HS3ST3B1: variants seen among roughly 807,000 people sequenced by gnomAD.
HS3ST3B1 encodes the protein heparan sulfate-glucosamine 3-sulfotransferase 3B1, also known as heparan sulfate glucosamine 3-O-sulfotransferase 3B1.
A neutral mutation model predicts 21.3 loss-of-function variants in HS3ST3B1; 13 were observed. The observed-to-expected ratio is 0.61, with a 90% CI of 0.40 to 0.97. The LOEUF is 0.97. Ranked by LOEUF, HS3ST3B1 falls within the 50% of genes least tolerant of loss-of-function variation. The probability of loss-of-function intolerance (pLI) is 0.00; values close to 1 mark genes in which losing one functional copy is unlikely to be tolerated. For missense variants in HS3ST3B1, 459 were observed against 554.8 expected, an observed-to-expected ratio of 0.83 and a Z score of 1.73; for synonymous variants, 234 against 254.8, an observed-to-expected ratio of 0.92 and a Z score of 0.78.
rs182424824 is a variant in HS3ST3B1, at chr17:14,313,719, C to T, written c.554+11647C>T. ...CCAAGTAGCTGTGATTACAGGCATG[C>T]GCCACCACACACGGCTAATTTTGTA... On this transcript the variant is annotated intron_variant, in intron 1 of 1. Coordinates refer to ENST00000360954, the MANE Select transcript of HS3ST3B1 (RefSeq NM_006041.3). Among the ~76,000 whole-genome samples, 540 of 151,860 alleles carry T rather than the reference C, an allele frequency of 3.6e-3. 2 individuals carry two copies. The highest frequency in any genetic ancestry group is 6.1e-3 in the Non-Finnish European group (418 of 67,968).
chr17:14,313,275 T>C (rs1909390166), intron 1 of HS3ST3B1, among the ~76,000 whole-genome samples: 1 of 151,568 alleles, frequency 6.6e-6, no homozygotes, highest in Non-Finnish European at 1.5e-5. Context: ...GCCAAAAATG[T>C]CTTATATAAA....
intron 1 of HS3ST3B1, chr17:14,304,120 C>G (rs1210350310): frequency 1.3e-5 from 2 of 152,216 alleles, no homozygotes; most frequent in Non-Finnish European, 2.9e-5. Context: ...TGCCGACTTG[C>G]GCCCGGGGGC....
rs151069253 is a variant in HS3ST3B1, at chr17:14,315,096, C to T, written c.554+13024C>T. ...GTTCCCTAACTGGCTTTTCTTTGAT[C>T]GGATTCCCCAGTTGGCAAATCTTAG... is the stretch of plus-strand genomic sequence containing the variant. On this transcript the variant is annotated intron_variant, in intron 1 of 1. Transcript: ENST00000360954. Among the ~76,000 whole-genome samples, 241 of 152,252 alleles carry T rather than the reference C, an allele frequency of 1.6e-3. 1 individual carries two copies. The highest frequency in any genetic ancestry group is 5.1e-3 in the African/African-American group (212 of 41,552).
intron 1 of HS3ST3B1, among the ~76,000 whole-genome samples, chr17:14,338,491 G>A (rs1224543225): frequency 6.6e-6 from 1 of 151,290 alleles, no homozygotes; most frequent in African/African-American, 2.4e-5. Flanking sequence ...TGCCCAGGCT[G>A]GAGTGCAATG....
At chr17:14,330,461 C>A (rs1012831104) in intron 1 of HS3ST3B1, among the ~76,000 whole-genome samples, 1 of 151,942 alleles carries the variant, frequency 6.6e-6, no homozygotes, top group Admixed American at 6.6e-5. Flanking sequence ...GAACTGGAAC[C>A]TAGAGTTTCA....
chr17:14,320,049 A>T (rs1909612124), intron 1 of HS3ST3B1, among the ~76,000 whole-genome samples: 1 of 152,158 alleles, frequency 6.6e-6, no homozygotes, highest in African/African-American at 2.4e-5. Flanking sequence ...GCAGGTCTTG[A>T]TGTGAGACGC....
chr17:14,302,002 G>C lies in HS3ST3B1; in HGVS notation c.484G>C (p.Asp162His). The C allele has an allele frequency of 1.2e-6, 2 of 1,609,414 alleles. No homozygotes were observed. Among genetic ancestry groups the C allele is most frequent in the Non-Finnish European group, 1.7e-6 (2 of 1,179,096 alleles). The change falls in exon 1 of 2, where the codon GAC (aspartate) becomes CAC (histidine). Residue 162 changes from aspartate to histidine, a missense_variant. Asp to His is a moderately conservative substitution (Grantham distance 81). Coordinates refer to ENST00000360954, the MANE Select transcript of HS3ST3B1 (RefSeq NM_006041.3). ...ALLEFLRVHP[D>H]VRAVGAEPHF... ...GCTGGAGTTTCTGCGCGTGCACCCC[G>C]ACGTGCGCGCCGTGGGCGCCGAGCC...
At chr17:14,328,563 C>A (rs2142341539) in intron 1 of HS3ST3B1, 1 of 152,280 alleles carries the variant, frequency 6.6e-6, no homozygotes, top group East Asian at 1.9e-4. Flanking sequence ...ATCTCTTGGT[C>A]ACCCTCAAGC....
At chr17:14,323,420 G>A (rs1909716772) in intron 1 of HS3ST3B1, among the ~76,000 whole-genome samples, 1 of 152,168 alleles carries the variant, frequency 6.6e-6, no homozygotes, top group African/African-American at 2.4e-5. Flanking sequence ...TATCTTCAGA[G>A]GAAGGAGGAG....
intron 1 of HS3ST3B1, among the ~76,000 whole-genome samples, chr17:14,330,076 C>T (rs557089465): frequency 2.6e-5 from 4 of 152,252 alleles, no homozygotes; most frequent in Non-Finnish European, 4.4e-5. Context: ...TGAGGCCACA[C>T]AGCCTGACCT....
chr17:14,345,512 C>T lies in HS3ST3B1; in HGVS notation c.1039C>T (p.His347Tyr). 5 of 1,598,344 alleles carry T rather than the reference C, an allele frequency of 3.1e-6. No individual in the cohort carries two copies. The highest frequency in any genetic ancestry group is 4.3e-6 in the Non-Finnish European group (5 of 1,168,764). ...LKKAEGSSRP[H>Y]CLGKTKGRTH... The stretch of plus-strand genomic sequence containing the variant: ...GAAGGCGGAGGGCAGCAGCCGGCCC[C>T]ATTGCCTGGGCAAGACCAAGGGCAG... Residue 347 changes from histidine (H) to tyrosine (Y), a missense_variant, in exon 2 of 2, where the codon CAT (histidine) becomes TAT (tyrosine). By Grantham distance (83) the His-to-Tyr change is moderately conservative. Transcript: ENST00000360954.
intron 1 of HS3ST3B1, among the ~76,000 whole-genome samples, chr17:14,324,885 A>T (rs1597594901): frequency 6.6e-6 from 1 of 152,226 alleles, no homozygotes; most frequent in African/African-American, 2.4e-5. Context: ...AGGTGCCAGA[A>T]TCATAGGTGT....
At chr17:14,312,651 C>T (rs1038582853) in intron 1 of HS3ST3B1, among the ~76,000 whole-genome samples, 1 of 151,974 alleles carries the variant, frequency 6.6e-6, no homozygotes, top group African/African-American at 2.4e-5. Context: ...CATTTGACTC[C>T]CCTTCTCTGA....
chr17:14,343,402 T>C (rs1285160681), intron 1 of HS3ST3B1, among the ~76,000 whole-genome samples: 1 of 152,236 alleles, frequency 6.6e-6, no homozygotes, highest in Non-Finnish European at 1.5e-5. Context: ...GTGGTCACTG[T>C]GCAGTGAAAT....
chr17:14,320,211 C>A (rs1909616117), intron 1 of HS3ST3B1, among the ~76,000 whole-genome samples: 1 of 152,126 alleles, frequency 6.6e-6, no homozygotes, highest in Non-Finnish European at 1.5e-5. Context: ...CATGCAAAAA[C>A]AGAAGTAGTT....
chr17:14,337,059 A>T (rs778111179), intron 1 of HS3ST3B1, among the ~76,000 whole-genome samples: 11 of 152,168 alleles, frequency 7.2e-5, no homozygotes, highest in Non-Finnish European at 1.5e-4. Context: ...AAACTCTTAT[A>T]CAAGCATAAA....
At chr17:14,302,548 CG>C (rs1244550176) in intron 1 of HS3ST3B1, among the ~76,000 whole-genome samples, 2 of 152,152 alleles carry the variant, frequency 1.3e-5, no homozygotes, top group African/African-American at 2.4e-5. Context: ...GTGGGGGCCG[CG>C]GCGTCCCGGC....
At chr17:14,308,307 G>C (rs1028075818) in intron 1 of HS3ST3B1, among the ~76,000 whole-genome samples, 1 of 152,164 alleles carries the variant, frequency 6.6e-6, no homozygotes, top group Non-Finnish European at 1.5e-5. Flanking sequence ...TTAAAATACT[G>C]CTAATGCTAA....
chr17:14,331,034 G>A (rs553030976), intron 1 of HS3ST3B1, among the ~76,000 whole-genome samples: 21 of 152,210 alleles, frequency 1.4e-4, no homozygotes, highest in African/African-American at 2.4e-4. Context: ...GCTCTGTCCC[G>A]CCCCTGCCCA....
Sources: gnomAD v4.1 joint callset for allele counts (sites outside exome capture counted in the v4.1 genomes callset) on GRCh38, gnomAD v4.1.1 for gene constraint, MANE v1.5 for transcripts, NCBI Gene and HGNC (gene_info 2026-07-23, HGNC 2026-07-21) for gene names.